The following RBFOX1 variants were observed in gnomAD, a reference collection of about 807,000 sequenced individuals.
RBFOX1 encodes the protein RNA binding protein fox-1 homolog 1.
A neutral mutation model predicts 57.7 loss-of-function variants in RBFOX1; 8 were observed. That is an observed-to-expected ratio of 0.14 (90% CI 0.08 to 0.25). The LOEUF is 0.25. Among genes scored for constraint, RBFOX1 ranks in the 10% least tolerant of loss-of-function variants. The probability of loss-of-function intolerance (pLI) is 1.00; values close to 1 mark genes in which losing one functional copy is unlikely to be tolerated. For missense variants in RBFOX1, 611 were observed against 548.5 expected, an observed-to-expected ratio of 1.11 and a Z score of -1.14; for synonymous variants, 326 against 222.4, an observed-to-expected ratio of 1.47 and a Z score of -4.15.
At chr16:5,580,277 G>A (rs1332816520) in intron 2 of RBFOX1, among the ~76,000 whole-genome samples, 5 of 152,180 alleles carry the variant, frequency 3.3e-5, no homozygotes, top group Non-Finnish European at 5.9e-5. Flanking sequence ...TTCTGGGAGC[G>A]CCGGCTGATT....
At chr16:5,949,891 C>T (rs1427221082) in intron 4 of RBFOX1, among the ~76,000 whole-genome samples, 3 of 152,148 alleles carry the variant, frequency 2.0e-5, no homozygotes, top group Admixed American at 6.5e-5. Context: ...TAGAGAGCTT[C>T]GGTCATAGAG....
At chr16:7,590,660 G>A (rs142848858) in intron 7 of RBFOX1, among the ~76,000 whole-genome samples, 2 of 152,118 alleles carry the variant, frequency 1.3e-5, no homozygotes, top group East Asian at 2.0e-4. Flanking sequence ...AGGAGTTCGA[G>A]ACCAGCCTGA....
At chr16:6,526,838 A>AAAAAAAAAAAAAAAAAAAAAAAAAAAC (rs2096586272) in intron 2 of RBFOX1, among the ~76,000 whole-genome samples, 1 of 134,084 alleles carries the variant, frequency 7.5e-6, no homozygotes, top group African/African-American at 3.3e-5. Flanking sequence ...TCAAAAAAAA[A>AAAAAAAAAAAAAAAAAAAAAAAAAAAC]AAAAAAAAAA....
At chr16:6,440,462 T>A (rs1434284095) in intron 2 of RBFOX1, among the ~76,000 whole-genome samples, 1 of 152,060 alleles carries the variant, frequency 6.6e-6, no homozygotes, top group Non-Finnish European at 1.5e-5. Context: ...CTATGGTATT[T>A]AGGCTGAGAA....
chr16:7,579,708 G>A (rs1044092683), intron 5 of RBFOX1, 69 bp from the exon 6 acceptor site: 5 of 1,587,320 alleles, frequency 3.1e-6, no homozygotes, highest in Non-Finnish European at 4.3e-6. Context: ...CTCATGGCAA[G>A]CAAAAGAGCA....
intron 1 of RBFOX1, among the ~76,000 whole-genome samples, chr16:5,328,683 T>TC (rs1188979275): frequency 2.0e-5 from 3 of 152,198 alleles, no homozygotes; most frequent in African/African-American, 7.2e-5. Context: ...CCCTTTTTGG[T>TC]CCCAGCCTCC....
intron 4 of RBFOX1, among the ~76,000 whole-genome samples, chr16:5,942,505 G>A (rs1401986638): frequency 6.6e-6 from 1 of 152,110 alleles, no homozygotes; most frequent in Admixed American, 6.5e-5. Flanking sequence ...GTGCAATTGG[G>A]GAAGTTATTA....
At chr16:6,914,399 G>T (rs895704065) in intron 3 of RBFOX1, among the ~76,000 whole-genome samples, 21 of 152,104 alleles carry the variant, frequency 1.4e-4, no homozygotes, top group African/African-American at 4.8e-4. Flanking sequence ...GAATCTACAA[G>T]TTAAAAGAGG....
At chr16:5,548,174 AATATATATATATAT>A (rs71142629) in intron 2 of RBFOX1, among the ~76,000 whole-genome samples, 1 of 33,580 alleles carries the variant, frequency 3.0e-5, no homozygotes, top group Admixed American at 5.0e-4. Flanking sequence ...AAAAAAAAAA[AATATATATATATAT>A]ATATATATAT....
chr16:6,808,400 G>A (rs2087497676), intron 3 of RBFOX1, among the ~76,000 whole-genome samples: 1 of 151,880 alleles, frequency 6.6e-6, no homozygotes, highest in African/African-American at 2.4e-5. Context: ...TTTCTTAAGT[G>A]CTATGGAAGC....
chr16:6,979,854 G>A (rs185398612), intron 3 of RBFOX1, among the ~76,000 whole-genome samples: 1 of 152,150 alleles, frequency 6.6e-6, no homozygotes, highest in African/African-American at 2.4e-5. Context: ...GCTCTGTGAT[G>A]TGTTTGCTTT....
chr16:7,027,421 C>T (rs1408462342), intron 3 of RBFOX1, among the ~76,000 whole-genome samples: 1 of 152,144 alleles, frequency 6.6e-6, no homozygotes. Flanking sequence ...ACACCCTTAA[C>T]ATCTCCTTTT....
intron 1 of RBFOX1, among the ~76,000 whole-genome samples, chr16:6,297,192 A>G (rs539141218): frequency 5.2e-4 from 79 of 152,016 alleles, no homozygotes; most frequent in African/African-American, 1.8e-3. Flanking sequence ...TCTTACTACA[A>G]CCTATTTTAT....
intron 3 of RBFOX1, among the ~76,000 whole-genome samples, chr16:6,682,870 T>TAAAA (rs33948007): frequency 1.7e-5 from 2 of 115,806 alleles, no homozygotes; most frequent in East Asian, 2.4e-4. Flanking sequence ...AGAAAAGAAT[T>TAAAA]AAAAAAAAAA....
chr16:5,259,876 C>T (rs1050665653), intron 1 of RBFOX1, among the ~76,000 whole-genome samples: 14 of 151,998 alleles, frequency 9.2e-5, no homozygotes, highest in East Asian at 5.8e-4. Context: ...CTGACTTCTG[C>T]GGAGTGGGTA....
intron 4 of RBFOX1, among the ~76,000 whole-genome samples, chr16:7,462,691 G>C (rs189023025): frequency 2.6e-5 from 4 of 152,158 alleles, no homozygotes; most frequent in African/African-American, 9.7e-5. Context: ...GCTTTGCCTG[G>C]TTCAGTCCCT....
rs576998906 is a variant in RBFOX1, at chr16:5,949,443, G to A, written c.351+82108G>A. Among the ~76,000 whole-genome samples the A allele has an allele frequency of 4.8e-5, 7 of 147,318 alleles. No individual in the cohort carries two copies. In the Admixed American group the frequency reaches 4.8e-4, roughly 10 times the overall value. ...CGGGAGGCTGAGGCAGGAGAATGAC[G>A]TGAACCCGGGAGGCAGAGCTTGCAG... is the stretch of plus-strand genomic sequence containing the variant. On this transcript the variant is annotated intron_variant, in intron 4 of 19. Transcript: ENST00000641259.
intron 4 of RBFOX1, among the ~76,000 whole-genome samples, chr16:7,215,921 C>T (rs1173860269): frequency 6.6e-6 from 1 of 152,064 alleles, no homozygotes; most frequent in East Asian, 1.9e-4. Context: ...CATGGGGTTT[C>T]ACCGTGTTAG....
intron 2 of RBFOX1, among the ~76,000 whole-genome samples, chr16:5,589,963 T>G (rs2046952333): frequency 6.6e-6 from 1 of 152,164 alleles, no homozygotes. Flanking sequence ...TGTCACTGCC[T>G]TGACTGACGT....
Sources: allele counts gnomAD v4.1 joint callset (sites outside exome capture counted in the v4.1 genomes callset), GRCh38; gene constraint gnomAD v4.1.1; transcripts MANE v1.5; gene names NCBI Gene and HGNC (gene_info 2026-07-23, HGNC 2026-07-21).